The following SERPIND1 variants were observed in gnomAD, a reference collection of about 807,000 sequenced individuals.
SERPIND1 encodes the protein serpin family D member 1, also known as heparin cofactor 2.
Under a neutral mutation model 35.0 loss-of-function variants are expected in SERPIND1, and 34 were observed. The observed-to-expected ratio is 0.97, with a 90% CI of 0.74 to 1.29. The LOEUF (loss-of-function observed/expected upper bound fraction) is 1.29. Ranked by LOEUF, SERPIND1 falls within the 50% of genes most tolerant of loss-of-function variation. SERPIND1 has a pLI of 0.00. For synonymous variants in SERPIND1, 236 were observed against 241.1 expected (o/e 0.98, Z 0.19); for missense variants, 633 against 637.7 (o/e 0.99, Z 0.08).
At chr22:20,780,781 A>AAAAAAAAAAAAAAAAAAAAAAAAAAG in intron 2 of SERPIND1, among the ~76,000 whole-genome samples, 1 of 151,012 alleles carries the variant, frequency 6.6e-6, no homozygotes, top group Non-Finnish European at 1.5e-5. Flanking sequence ...ATCTCAAAAA[A>AAAAAAAAAAAAAAAAAAAAAAAAAAG]AAAAAAAAAA....
chr22:20,779,220 G>A (rs1569022582), intron 1 of SERPIND1, 77 bp from the exon 2 acceptor site: 2 of 1,604,598 alleles, frequency 1.2e-6, no homozygotes, highest in Non-Finnish European at 1.7e-6. Context: ...AAGCCACAGG[G>A]AACCTGCCAT....
At chr22:20,779,232 TG>T in intron 1 of SERPIND1, 64 bp from the exon 2 acceptor site, 1 of 1,607,188 alleles carries the variant, frequency 6.2e-7, no homozygotes, top group Non-Finnish European at 8.5e-7. Context: ...ACCTGCCATG[TG>T]GATGCTGCAG....
chr22:20,784,345 T>A, intron 3 of SERPIND1, 100 bp downstream of exon 3: 1 of 1,510,504 alleles, frequency 6.6e-7, no homozygotes, highest in Admixed American at 1.9e-5. Flanking sequence ...GAGAATTATG[T>A]ACAAGTACCC....
rs192316527 is a variant in SERPIND1 at position 20,787,638 on chromosome 22, C to T, written c.*572C>T. 5.9e-6 allele frequency: 1 copy of T among 169,436 alleles called. No individual in the cohort carries two copies. The highest frequency in any genetic ancestry group is 5.4e-5 in the Admixed American group (1 of 18,368). 10.5% of individuals were successfully genotyped at this position (169,436 alleles called of 1,614,324 possible). On this transcript the variant is annotated 3_prime_UTR_variant, in exon 5 of 5. Transcript: ENST00000215727. Reference sequence around the variant, plus strand: ...TGATGAATGCCATCAGTCCCTCCTGCTGTTGCCTCCCTGTGACCTGGAGGA... The same window carrying T: ...TGATGAATGCCATCAGTCCCTCCTGTTGTTGCCTCCCTGTGACCTGGAGGA...
In SERPIND1 at chr22:20,779,128, G is replaced by A. The variant is rs190718033; in HGVS notation, c.-16-169G>A. ...ATGAGTCCCACATCAAAGGTTGGGTGTCTATCTACATCAGATTCTCTTAAA... is the reference window on the plus strand; with the variant it reads ...ATGAGTCCCACATCAAAGGTTGGGTATCTATCTACATCAGATTCTCTTAAA... On this transcript the variant is annotated intron_variant, in intron 1 of 4. Transcript: ENST00000215727. 42 of 1,469,098 alleles carry A rather than the reference G, an allele frequency of 2.9e-5. No homozygotes were observed. In the East Asian group the frequency reaches 1.0e-3, roughly 35 times the overall value. 91.0% of individuals were successfully genotyped at this position (1,469,098 alleles called of 1,614,324 possible).
chr22:20,786,818 A>G (rs1934272723), intron 4 of SERPIND1, 57 bp from the exon 5 acceptor site: 3 of 1,516,884 alleles, frequency 2.0e-6, no homozygotes, highest in Admixed American at 3.3e-5. Context: ...TTGTGCTGGG[A>G]ACTCTAGCCC....
chr22:20,786,749 C>A (rs1934267274), intron 4 of SERPIND1, 126 bp from the exon 5 acceptor site: 10 of 974,006 alleles, frequency 1.0e-5, no homozygotes, highest in Non-Finnish European at 1.5e-5. Flanking sequence ...GTGACTCTGA[C>A]CAGCTGTGAT....
In SERPIND1 at chr22:20,779,693, C is replaced by T; in HGVS notation, c.381C>T (p.Asn127=). 6.2e-7 allele frequency: 1 copy of T among 1,614,256 alleles called. No homozygotes were observed. The highest frequency in any genetic ancestry group is 2.2e-5 in the East Asian group (1 of 44,892). ...GCAAGAGCCGGATCCAGCGTCTTAA[C>T]ATCCTCAACGCCAAGTTCGCTTTCA... ...FHGKSRIQRL[N]ILNAKFAFNL... Residue 127 remains asparagine (N), a synonymous_variant, in exon 2 of 5, where the codon AAC becomes AAT. Coordinates refer to ENST00000215727, the MANE Select transcript of SERPIND1 (RefSeq NM_000185.4).
chr22:20,784,289 G>A (rs1414127616), intron 3 of SERPIND1, 44 bp downstream of exon 3: 1 of 1,612,078 alleles, frequency 6.2e-7, no homozygotes, highest in Non-Finnish European at 8.5e-7. Context: ...CCCAGATGCT[G>A]GGGGTGTCTG....
chr22:20,778,219 G>C (rs944830228), intron 1 of SERPIND1, among the ~76,000 whole-genome samples: 17 of 152,104 alleles, frequency 1.1e-4, no homozygotes, highest in African/African-American at 4.1e-4. Flanking sequence ...AACAACCCCA[G>C]GTCAGGCGTG....
chr22:20,780,776 A>C (rs924615546), intron 2 of SERPIND1, among the ~76,000 whole-genome samples: 3 of 99,060 alleles, frequency 3.0e-5, no homozygotes, highest in South Asian at 5.7e-4. Flanking sequence ...ACTCCATCTC[A>C]AAAAAAAAAA....
chr22:20,783,851 T>G, intron 2 of SERPIND1, 121 bp from the exon 3 acceptor site: 1 of 1,302,090 alleles, frequency 7.7e-7, no homozygotes, highest in Non-Finnish European at 1.1e-6. Flanking sequence ...CAAGAGACTG[T>G]GGGGTCGGCT....
At chr22:20,780,299 T>C in intron 2 of SERPIND1, 98 bp downstream of exon 2, 2 of 1,568,328 alleles carry the variant, frequency 1.3e-6, no homozygotes, top group Non-Finnish European at 1.8e-6. Flanking sequence ...AGCTATAATT[T>C]ATCCAGGAAA....
chr22:20,787,036 G>A lies in SERPIND1; in HGVS notation c.1470G>A (p.Met490Ile), dbSNP rs760464099. Residue 490 changes from methionine to isoleucine, a missense_variant, in exon 5 of 5, where the codon ATG becomes ATA. Transcript: ENST00000215727. ...ATCGCACCAGCTGCCTGCTCTTCAT[G>A]GGAAGAGTGGCCAACCCCAGCAGGT... Reference protein sequence around the residue: ...YEHRTSCLLFMGRVANPSRS With the variant: ...YEHRTSCLLFIGRVANPSRS 4 of 1,613,904 alleles carry A rather than the reference G, an allele frequency of 2.5e-6. No individual in the cohort carries two copies. The East Asian group carries it at 8.9e-5, about 36-fold the overall frequency.
chr22:20,781,503 A>C (rs1933797091), intron 2 of SERPIND1, among the ~76,000 whole-genome samples: 1 of 152,198 alleles, frequency 6.6e-6, no homozygotes, highest in Non-Finnish European at 1.5e-5. Context: ...CTGTTCAGGG[A>C]AAGGGGGCCA....
Position 20,779,332 on chromosome 22 carries a change from C to T in SERPIND1, c.20C>T (p.Ala7Val), listed in dbSNP as rs762486261. 6.2e-7 allele frequency: 1 copy of T among 1,614,198 alleles called. No individual in the cohort carries two copies. Among genetic ancestry groups the T allele is most frequent in the Non-Finnish European group, 8.5e-7 (1 of 1,180,038 alleles). Residue 7 changes from alanine (A) to valine (V), a missense_variant, in exon 2 of 5, where the codon GCA becomes GTA. Coordinates refer to ENST00000215727, the MANE Select transcript of SERPIND1 (RefSeq NM_000185.4). ...GCCAAAATGAAACACTCATTAAACGCACTTCTCATTTTCCTCATCATAACA... is the reference window on the plus strand; with the variant it reads ...GCCAAAATGAAACACTCATTAAACGTACTTCTCATTTTCCTCATCATAACA... MKHSLN[A>V]LLIFLIITSA...
At chr22:20,785,877 T>C (rs773300571) in intron 3 of SERPIND1, 127 bp from the exon 4 acceptor site, 26 of 1,340,908 alleles carry the variant, frequency 1.9e-5, no homozygotes, top group Middle Eastern at 1.8e-4. Context: ...TCCCGGAATA[T>C]AAATTTTAAT....
At chr22:20,781,297 T>C (rs1249571563) in intron 2 of SERPIND1, among the ~76,000 whole-genome samples, 1 of 152,028 alleles carries the variant, frequency 6.6e-6, no homozygotes, top group Non-Finnish European at 1.5e-5. Flanking sequence ...AAGCTGAGAG[T>C]GTGGAAGGGG....
At chr22:20,780,533 C>A (rs1190763547) in intron 2 of SERPIND1, among the ~76,000 whole-genome samples, 1 of 152,004 alleles carries the variant, frequency 6.6e-6, no homozygotes, top group Admixed American at 6.6e-5. Flanking sequence ...TTTGGGAGGC[C>A]GAGGCAGGCA....
Sources: allele counts gnomAD v4.1 joint callset (sites outside exome capture counted in the v4.1 genomes callset), GRCh38; gene constraint gnomAD v4.1.1; transcripts MANE v1.5; gene names NCBI Gene and HGNC (gene_info 2026-07-23, HGNC 2026-07-21).